F13B: variants seen among roughly 807,000 people sequenced by gnomAD.
F13B encodes the protein TGase.
In F13B, 58 loss-of-function variants were observed where a neutral mutation model predicts 79.8. That is an observed-to-expected ratio of 0.73 (90% CI 0.59 to 0.90). The LOEUF (loss-of-function observed/expected upper bound fraction) is 0.90, where lower values mean the gene tolerates loss of function less well. Among genes scored for constraint, F13B ranks in the 40% least tolerant of loss-of-function variants. The probability of loss-of-function intolerance (pLI) is 0.00; values close to 1 mark genes in which losing one functional copy is unlikely to be tolerated. For synonymous variants in F13B, 283 were observed against 260.3 expected, an observed-to-expected ratio of 1.09 and a Z score of -0.84; for missense variants, 773 against 777.0, an observed-to-expected ratio of 0.99 and a Z score of 0.06.
intron 8 of F13B, among the ~76,000 whole-genome samples, chr1:197,054,191 C>T (rs1258629101): frequency 3.9e-5 from 6 of 152,110 alleles, no homozygotes; most frequent in African/African-American, 1.2e-4. Flanking sequence ...GGCAGTTGTT[C>T]CAGATATAGA....
Position 197,059,510 on chromosome 1 carries a change from C to T in F13B, c.805+856G>A, listed in dbSNP as rs1224741280. Among the ~76,000 whole-genome samples, 2 of 152,016 alleles carry T rather than the reference C, an allele frequency of 1.3e-5. 1 individual carries two copies. The highest frequency in any genetic ancestry group is 1.3e-4 in the Admixed American group (2 of 15,232). ...TCAATAGACCTTATATCCCATATTA[C>T]AGAAAATAAAAAATGACTATCAAAC... On this transcript the variant is annotated intron_variant, in intron 5 of 11. Transcript: ENST00000367412.
intron 8 of F13B, 80 bp downstream of exon 8, chr1:197,055,635 A>G (rs942725563): frequency 2.1e-6 from 3 of 1,431,986 alleles, no homozygotes; most frequent in African/African-American, 1.4e-5. Flanking sequence ...GTACAAAATC[A>G]TCATTTTCAT....
intron 9 of F13B, 138 bp from the exon 10 acceptor site, chr1:197,051,017 T>C: frequency 2.8e-6 from 2 of 705,968 alleles, no homozygotes; most frequent in Non-Finnish European, 2.4e-6. Context: ...CTGCAACCTC[T>C]GCCTCCCAGG....
Position 197,062,870 on chromosome 1 carries a change from CTCTGGAGACCA to C in F13B, c.241_251del (p.Trp81AlafsTer9). On this transcript the variant is annotated frameshift_variant, in exon 2 of 12. Transcript: ENST00000367412. LOFTEE classifies it high-confidence loss of function. The stretch of plus-strand genomic sequence containing the variant: ...CAGCTGACTTACTGAAGCACCTTGG[CTCTGGAGACCA>C]GCCTTCTGTTGTACACGTGGTTTGC... The C allele has an allele frequency of 6.2e-7, 1 of 1,613,802 alleles. No homozygotes were observed. Among genetic ancestry groups the C allele is most frequent in the Non-Finnish European group, 8.5e-7 (1 of 1,179,764 alleles).
At chr1:197,064,981 A>T (rs543217830) in intron 1 of F13B, among the ~76,000 whole-genome samples, 1 of 152,232 alleles carries the variant, frequency 6.6e-6, no homozygotes, top group South Asian at 2.1e-4. Context: ...GTTTGAAGGA[A>T]ATGGATGTGG....
At chr1:197,060,343 G>A (rs748605892) in intron 5 of F13B, 23 bp downstream of exon 5, 45 of 1,581,584 alleles carry the variant, frequency 2.8e-5, no homozygotes, top group South Asian at 1.0e-4. Context: ...GGCATTTTGC[G>A]AGTATTAAAT....
chr1:197,043,994 G>C (rs1655132958), intron 10 of F13B, among the ~76,000 whole-genome samples: 1 of 151,624 alleles, frequency 6.6e-6, no homozygotes, highest in African/African-American at 2.4e-5. Flanking sequence ...GATCTCCCTG[G>C]GAGCTGCAGA....
intron 5 of F13B, among the ~76,000 whole-genome samples, chr1:197,059,483 T>G (rs1361647294): frequency 6.6e-6 from 1 of 152,156 alleles, no homozygotes; most frequent in Admixed American, 6.5e-5. Context: ...TTCACCTGCC[T>G]GTCAATAGAC....
At chr1:197,040,128 A>G (rs933877575) in intron 11 of F13B, 1 of 165,818 alleles carries the variant, frequency 6.0e-6, no homozygotes, top group Non-Finnish European at 1.3e-5. Flanking sequence ...TGGTCCTGAA[A>G]ATAAATACCA....
At chr1:197,061,303 C>T (rs185535958) in intron 3 of F13B, among the ~76,000 whole-genome samples, 1 of 152,172 alleles carries the variant, frequency 6.6e-6, no homozygotes, top group Admixed American at 6.6e-5. Flanking sequence ...AGTGCTTGAC[C>T]AAAGGCCAAA....
chr1:197,056,003 G>T, intron 7 of F13B, 106 bp from the exon 8 acceptor site: 2 of 1,066,348 alleles, frequency 1.9e-6, no homozygotes, highest in Non-Finnish European at 2.7e-6. Context: ...TAGGACAATT[G>T]TTTTATAAAT....
rs570295255 is a variant in F13B, at chr1:197,052,172, T to A, written c.1555+462A>T. On this transcript the variant is annotated intron_variant, in intron 9 of 11. Transcript: ENST00000367412. ...ATGGTTTGGGGTTTTTACATTTAAA[T>A]CTTTAATCCATCTTGAGTTAATTTT... Among the ~76,000 whole-genome samples the A allele has an allele frequency of 2.3e-4, 35 of 152,308 alleles. 1 individual carries two copies. The highest frequency in any genetic ancestry group is 8.4e-4 in the African/African-American group (35 of 41,578).
In F13B at chr1:197,039,353, T is replaced by C. The variant is rs1233872857; in HGVS notation, c.*25A>G. 1.3e-6 allele frequency: 2 copies of C among 1,587,612 alleles called. No homozygotes were observed. The highest frequency in any genetic ancestry group is 1.7e-6 in the Non-Finnish European group (2 of 1,157,334). On this transcript the variant is annotated 3_prime_UTR_variant, in exon 12 of 12. Transcript: ENST00000367412. ...AGGAATTTCATGATGTATTGAAATA[T>C]GACTCCTCTTTCTGCCATTCATTTC...
At position 197,040,687 on chromosome 1, in the gene F13B, A is replaced by G; in HGVS notation, c.1787T>C (p.Leu596Pro). The change falls in exon 11 of 12, where the codon CTG becomes CCG. Residue 596 changes from leucine (L) to proline (P), a missense_variant. By Grantham distance (98) the Leu-to-Pro change is moderately conservative. Coordinates refer to ENST00000367412, the MANE Select transcript of F13B (RefSeq NM_001994.3). Reference sequence around the variant, plus strand: ...TGGTCTATTGTCAAAATCCCATTTCAGAAGTAAATTATTCTTTTCCATTTC... The same window carrying G: ...TGGTCTATTGTCAAAATCCCATTTCGGAAGTAAATTATTCTTTTCCATTTC... ...FTEMEKNNLL[L>P]KWDFDNRPHI... 2.5e-6 allele frequency: 4 copies of G among 1,612,950 alleles called. No homozygotes were observed. Among genetic ancestry groups the G allele is most frequent in the Non-Finnish European group, 3.4e-6 (4 of 1,179,238 alleles).
rs1000085183 is a variant in F13B at position 197,039,108 on chromosome 1, T to A, written c.*270A>T. On this transcript the variant is annotated 3_prime_UTR_variant, in exon 12 of 12. Transcript: ENST00000367412. ...AACTATATAGTCTAGTCAATGGGCA[T>A]TAGGAAATGAAAATATGATGTGTAG... 7 of 397,368 alleles carry A rather than the reference T, an allele frequency of 1.8e-5. No homozygotes were observed. Among genetic ancestry groups the A allele is most frequent in the Non-Finnish European group, 2.7e-5 (6 of 218,810 alleles). 24.6% of individuals were successfully genotyped at this position (397,368 alleles called of 1,614,324 possible). A position where few individuals can be genotyped will look rare whatever the true frequency, so the allele number is the denominator to read the frequency against.
At chr1:197,050,000 T>A (rs879862719) in intron 10 of F13B, among the ~76,000 whole-genome samples, 20 of 152,026 alleles carry the variant, frequency 1.3e-4, no homozygotes, top group Non-Finnish European at 2.9e-4. Context: ...TTCGGCAAAA[T>A]AGAAAGAAAG....
At chr1:197,041,686 G>A (rs1290985638) in intron 10 of F13B, among the ~76,000 whole-genome samples, 1 of 152,116 alleles carries the variant, frequency 6.6e-6, no homozygotes, top group Admixed American at 6.6e-5. Context: ...GCTAAACCCT[G>A]TTGTCATTCT....
At position 197,040,666 on chromosome 1, in the gene F13B, C is replaced by G; in HGVS notation, c.1808G>C (p.Arg603Thr). ...NLLLKWDFDN[R>T]PHILHGEYIE... Reference sequence around the variant, plus strand: ...ATATTCACCATGCAAAATGTGTGGTCTATTGTCAAAATCCCATTTCAGAAG... The same window carrying G: ...ATATTCACCATGCAAAATGTGTGGTGTATTGTCAAAATCCCATTTCAGAAG... Residue 603 changes from arginine to threonine, a missense_variant, in exon 11 of 12, where the codon AGA (arginine) becomes ACA (threonine). Transcript: ENST00000367412. 2 of 1,612,944 alleles carry G rather than the reference C, an allele frequency of 1.2e-6. No homozygotes were observed. Among genetic ancestry groups the G allele is most frequent in the South Asian group, 2.2e-5 (2 of 91,038 alleles).
At chr1:197,052,589 A>T in intron 9 of F13B, 45 bp downstream of exon 9, 1 of 1,341,252 alleles carries the variant, frequency 7.5e-7, no homozygotes, top group African/African-American at 1.4e-5. Flanking sequence ...GAGGTAGCAG[A>T]TATTGGTCAA....
Sources: allele counts gnomAD v4.1 joint callset (sites outside exome capture counted in the v4.1 genomes callset), GRCh38; gene constraint gnomAD v4.1.1; transcripts MANE v1.5; gene names NCBI Gene and HGNC (gene_info 2026-07-23, HGNC 2026-07-21).